The following UACA variants were observed in gnomAD, a reference collection of about 807,000 sequenced individuals.
UACA encodes the protein uveal autoantigen with coiled-coil domains and ankyrin repeats.
In UACA, 112 loss-of-function variants were observed where a neutral mutation model predicts 160.5. The observed-to-expected ratio is 0.70, with a 90% CI of 0.60 to 0.82. The LOEUF (loss-of-function observed/expected upper bound fraction) is 0.82. UACA is among the 40% of genes least tolerant of loss of function. The pLI, the probability that UACA is intolerant of heterozygous loss-of-function variation, is 0.00. For missense variants in UACA, 1,574 were observed against 1,614.6 expected (o/e 0.97, Z 0.43); for synonymous variants, 557 against 568.4 (o/e 0.98, Z 0.29).
chr15:70,671,017 T>TAA (rs372164200), intron 15 of UACA, 22 bp downstream of exon 15: 213 of 1,194,398 alleles, frequency 1.8e-4, no homozygotes, highest in South Asian at 6.5e-4. Context: ...TTTTTAAAAT[T>TAA]AAAAAAAAAA....
chr15:70,725,920 T>A (rs562464721), intron 1 of UACA, among the ~76,000 whole-genome samples: 4 of 152,208 alleles, frequency 2.6e-5, no homozygotes, highest in Admixed American at 2.6e-4. Context: ...GCCCTAAATA[T>A]CCTGACTTGA....
At chr15:70,673,458 T>C (rs1897204803) in intron 13 of UACA, among the ~76,000 whole-genome samples, 1 of 152,224 alleles carries the variant, frequency 6.6e-6, no homozygotes, top group Non-Finnish European at 1.5e-5. Context: ...CCTCCATTAA[T>C]CATTAGTGCC....
chr15:70,740,961 C>T (rs549008115), intron 1 of UACA, among the ~76,000 whole-genome samples: 1 of 152,002 alleles, frequency 6.6e-6, no homozygotes, highest in East Asian at 1.9e-4. Flanking sequence ...ATCGCTTGAA[C>T]CTGGGAGGCA....
At chr15:70,742,081 T>C (rs1899556000) in intron 1 of UACA, among the ~76,000 whole-genome samples, 4 of 152,212 alleles carry the variant, frequency 2.6e-5, no homozygotes. Context: ...TTAGAAAACT[T>C]GCTGATCTAT....
intron 1 of UACA, among the ~76,000 whole-genome samples, chr15:70,710,615 G>A (rs1014309906): frequency 1.3e-5 from 2 of 152,174 alleles, no homozygotes; most frequent in Admixed American, 1.3e-4. Flanking sequence ...CCAACTGCCT[G>A]TAAATCAGGG....
In UACA at chr15:70,699,586, G is replaced by C. The variant is rs4776525; in HGVS notation, c.153C>G (p.Thr51=). Residue 51 remains threonine (T), a synonymous_variant, in exon 2 of 19, where the codon ACC becomes ACG. Transcript: ENST00000322954. The stretch of plus-strand genomic sequence containing the variant: ...TGACCCCCTTTTTAGCAAGGATTGA[G>C]GTCACTTTTTCTACATCCCCCCTTT... The part of the protein sequence containing the change: ...AAERGDVEKV[T]SILAKKGVNP... 0.85 allele frequency: 1,375,389 copies of C among 1,608,862 alleles called. 592,889 individuals are homozygous for C. Among genetic ancestry groups the C allele is most frequent in the Admixed American group, 0.89 (52,870 of 59,126 alleles).
rs776187194 is a variant in UACA at position 70,667,471 on chromosome 15, CTGT to C, written c.3210_3212del (p.Gln1071del). ...TGTATTTCTGTGACAAGTCTTTTAA[CTGT>C]TTGTTTAGCTCGTCTGTTTTTCTGC... On this transcript the variant is annotated inframe_deletion, in exon 16 of 19. Coordinates refer to ENST00000322954, the MANE Select transcript of UACA (RefSeq NM_018003.4). 94 of 1,610,190 alleles carry C rather than the reference CTGT, an allele frequency of 5.8e-5. No homozygotes were observed. The highest frequency in any genetic ancestry group is 6.7e-5 in the Non-Finnish European group (79 of 1,179,574).
intron 1 of UACA, among the ~76,000 whole-genome samples, chr15:70,735,746 A>G (rs1157768718): frequency 6.6e-6 from 1 of 151,934 alleles, no homozygotes; most frequent in Non-Finnish European, 1.5e-5. Context: ...TGCAATCATG[A>G]CTCTCTGCAG....
intron 5 of UACA, among the ~76,000 whole-genome samples, chr15:70,690,065 T>C (rs1328620068): frequency 3.9e-5 from 6 of 152,124 alleles, no homozygotes; most frequent in Non-Finnish European, 4.4e-5. Context: ...GTTAATTAGG[T>C]AAACATAGTT....
At chr15:70,762,386 A>G (rs1475059283) in intron 1 of UACA, among the ~76,000 whole-genome samples, 1 of 152,240 alleles carries the variant, frequency 6.6e-6, no homozygotes, top group South Asian at 2.1e-4. Flanking sequence ...CAGTTGGAGC[A>G]TAACAACTCC....
At chr15:70,660,303 CTAT>C in intron 17 of UACA, 87 bp from the exon 18 acceptor site, 51 of 1,112,458 alleles carry the variant, frequency 4.6e-5, no homozygotes, top group Middle Eastern at 4.0e-4. Flanking sequence ...TGCTACAAAA[CTAT>C]TATTATTATT....
At chr15:70,689,092 G>A (rs1897833199) in intron 5 of UACA, among the ~76,000 whole-genome samples, 1 of 152,104 alleles carries the variant, frequency 6.6e-6, no homozygotes, top group Non-Finnish European at 1.5e-5. Context: ...TCCAGACTTT[G>A]GGCATGTATT....
chr15:70,676,399 A>C, intron 13 of UACA, 94 bp downstream of exon 13: 1 of 985,814 alleles, frequency 1.0e-6, no homozygotes, highest in Non-Finnish European at 1.5e-6. Flanking sequence ...GTCACACTAT[A>C]AATAAGAGAT....
At chr15:70,729,706 G>A (rs1790605498) in intron 1 of UACA, among the ~76,000 whole-genome samples, 1 of 142,814 alleles carries the variant, frequency 7.0e-6, no homozygotes, top group African/African-American at 2.9e-5. Flanking sequence ...ACAGCTCCCA[G>A]CGTGAGCGAC....
At chr15:70,664,464 T>C (rs1896831489) in intron 17 of UACA, among the ~76,000 whole-genome samples, 198 bp downstream of exon 17, 1 of 152,208 alleles carries the variant, frequency 6.6e-6, no homozygotes, top group African/African-American at 2.4e-5. Flanking sequence ...AAATGTTTAA[T>C]ATGGTGCCTG....
rs916640207 is a variant in UACA at position 70,675,517 on chromosome 15, C to G, written c.1131+976G>C. On this transcript the variant is annotated intron_variant, in intron 13 of 18. Transcript: ENST00000322954. ...AGGACACCAAAAGTTTCTTCACACACCTTACTCAGTAACCCCTCACCAAAC... is the reference window on the plus strand; with the variant it reads ...AGGACACCAAAAGTTTCTTCACACAGCTTACTCAGTAACCCCTCACCAAAC... 1.3e-5 allele frequency among the ~76,000 whole-genome samples: 2 copies of G among 152,184 alleles called. 1 individual carries two copies. The highest frequency in any genetic ancestry group is 4.8e-5 in the African/African-American group (2 of 41,448).
chr15:70,753,475 T>A (rs2030216461), intron 1 of UACA, among the ~76,000 whole-genome samples: 1 of 152,172 alleles, frequency 6.6e-6, no homozygotes, highest in Non-Finnish European at 1.5e-5. Context: ...TCCCATAGCA[T>A]TAAATTTGAA....
chr15:70,747,772 T>C (rs1899755782), intron 1 of UACA, among the ~76,000 whole-genome samples: 1 of 152,168 alleles, frequency 6.6e-6, no homozygotes, highest in South Asian at 2.1e-4. Flanking sequence ...GCCTATTGAA[T>C]ATCTCTACTT....
At chr15:70,774,356 C>G in the UACA span, among the ~76,000 whole-genome samples, 1 of 152,000 alleles carries the variant, frequency 6.6e-6, no homozygotes, top group South Asian at 2.1e-4. Context: ...ACCATCCTGG[C>G]TAACATGGTG....
Sources: allele counts gnomAD v4.1 joint callset (sites outside exome capture counted in the v4.1 genomes callset), GRCh38; gene constraint gnomAD v4.1.1; transcripts MANE v1.5; gene names NCBI Gene and HGNC (gene_info 2026-07-23, HGNC 2026-07-21).